RTCA: variants seen among roughly 807,000 people sequenced by gnomAD.
The protein encoded by RTCA is RNA 3'-terminal phosphate cyclase.
RTCA carries 37 observed loss-of-function variants against 46.1 expected under a neutral mutation model. The ratio of observed to expected loss-of-function variants is 0.80; its 90% CI spans 0.62 to 1.06. The LOEUF (loss-of-function observed/expected upper bound fraction) is 1.06. RTCA is among the 50% of genes least tolerant of loss of function. The pLI is 0.00. For missense variants in RTCA, 435 were observed against 455.5 expected, an observed-to-expected ratio of 0.95 and a Z score of 0.41; for synonymous variants, 164 against 158.3, an observed-to-expected ratio of 1.04 and a Z score of -0.27.
chr1:100,276,145 T>C (rs1349518718), intron 7 of RTCA, among the ~76,000 whole-genome samples: 1 of 152,112 alleles, frequency 6.6e-6, no homozygotes, highest in East Asian at 1.9e-4. Flanking sequence ...TCAGTTTATA[T>C]TTTTAAGGAC....
intron 2 of RTCA, 151 bp downstream of exon 2, chr1:100,266,775 G>T: frequency 1.6e-6 from 1 of 634,290 alleles, no homozygotes; most frequent in Non-Finnish European, 2.7e-6. Flanking sequence ...CTGCCTGGGC[G>T]GTGGCCTGGG....
chr1:100,266,236 T>G lies in RTCA; in HGVS notation c.-140T>G. On this transcript the variant is annotated 5_prime_UTR_variant, in exon 1 of 11. Coordinates refer to ENST00000370128, the MANE Select transcript of RTCA (RefSeq NM_003729.4). ...ACTCCAGTGTCCCGAGAGGCGCCGC[T>G]TCTTCCGCTTTCTCGTCAGGCTCCT... 3 of 1,018,470 alleles carry G rather than the reference T, an allele frequency of 2.9e-6. No individual in the cohort carries two copies. Among genetic ancestry groups the G allele is most frequent in the Non-Finnish European group, 4.3e-6 (3 of 701,170 alleles). The allele number at this position is 1,018,470 out of a possible 1,614,324, so 63.1% of individuals were successfully genotyped here. A position where few individuals can be genotyped will look rare whatever the true frequency, so the allele number is the denominator to read the frequency against.
At chr1:100,284,691 G>A (rs1254972942) in intron 8 of RTCA, among the ~76,000 whole-genome samples, 1 of 152,234 alleles carries the variant, frequency 6.6e-6, no homozygotes, top group Non-Finnish European at 1.5e-5. Context: ...ACCGCACTGA[G>A]CCAAATTCTT....
At chr1:100,268,371 T>A in intron 3 of RTCA, 76 bp downstream of exon 3, 2 of 1,199,900 alleles carry the variant, frequency 1.7e-6, no homozygotes, top group Non-Finnish European at 1.2e-6. Flanking sequence ...GCAAGTTGCT[T>A]AATGTCTATG....
chr1:100,266,335 G>C lies in RTCA; in HGVS notation c.-41G>C. 1 of 1,600,544 alleles carries C rather than the reference G, an allele frequency of 6.2e-7. No individual in the cohort carries two copies. Among genetic ancestry groups the C allele is most frequent in the Non-Finnish European group, 8.5e-7 (1 of 1,176,570 alleles). On this transcript the variant is annotated 5_prime_UTR_variant, in exon 1 of 11. Coordinates refer to ENST00000370128, the MANE Select transcript of RTCA (RefSeq NM_003729.4). The stretch of plus-strand genomic sequence containing the variant: ...CGTCTCTTCTTTCTCCCGCTCTGGC[G>C]GAGGCTTTGTCGCTGCGGGCTGGGC...
At chr1:100,274,000 G>T (rs1439314253) in intron 5 of RTCA, among the ~76,000 whole-genome samples, 1 of 152,044 alleles carries the variant, frequency 6.6e-6, no homozygotes, top group Non-Finnish European at 1.5e-5. Context: ...CAATATGTTT[G>T]CTTGTTATTC....
At position 100,268,172 on chromosome 1, in the gene RTCA, T is replaced by G; in HGVS notation, c.167T>G (p.Leu56Arg). 1 of 1,614,214 alleles carries G rather than the reference T, an allele frequency of 6.2e-7. No homozygotes were observed. Among genetic ancestry groups the G allele is most frequent in the South Asian group, 1.1e-5 (1 of 91,090 alleles). ...TGAAGGCCTCAACATTTATCTGGAC[T>G]GGAAATGATTCGAGATTTGTGTGAT... is the stretch of plus-strand genomic sequence containing the variant. ...PGLRPQHLSG[L>R]EMIRDLCDGQ... Residue 56 changes from leucine to arginine, a missense_variant, in exon 3 of 11, where the codon CTG becomes CGG. Leu to Arg is a moderately radical substitution (Grantham distance 102). Coordinates refer to ENST00000370128, the MANE Select transcript of RTCA (RefSeq NM_003729.4).
In RTCA at chr1:100,266,317, T is replaced by A. The variant is rs1665765810; in HGVS notation, c.-59T>A. 1 of 1,592,980 alleles carries A rather than the reference T, an allele frequency of 6.3e-7. No homozygotes were observed. Among genetic ancestry groups the A allele is most frequent in the Admixed American group, 1.9e-5 (1 of 52,842 alleles). On this transcript the variant is annotated 5_prime_UTR_variant, in exon 1 of 11. Coordinates refer to ENST00000370128, the MANE Select transcript of RTCA (RefSeq NM_003729.4). ...CTACTGGGCGGGAGCCAACGTCTCTTCTTTCTCCCGCTCTGGCGGAGGCTT... is the reference window on the plus strand; with the variant it reads ...CTACTGGGCGGGAGCCAACGTCTCTACTTTCTCCCGCTCTGGCGGAGGCTT...
Position 100,277,303 on chromosome 1 carries a change from G to T in RTCA, c.786G>T (p.Ser262=). The T allele has an allele frequency of 6.2e-7, 1 of 1,611,278 alleles. No individual in the cohort carries two copies. Among genetic ancestry groups the T allele is most frequent in the Admixed American group, 1.7e-5 (1 of 59,350 alleles). The change falls in exon 8 of 11, where the codon TCG becomes TCT. Residue 262 remains serine (S), a synonymous_variant. Coordinates refer to ENST00000370128, the MANE Select transcript of RTCA (RefSeq NM_003729.4). ...TSTGCLFAGS[S]LGKRGVNADK... is the part of the protein sequence containing the mutation. ...CTGGCTGTTTGTTTGCTGGATCATC[G>T]CTTGGTAAACGAGGTAAGATAAATG...
intron 9 of RTCA, among the ~76,000 whole-genome samples, chr1:100,285,754 G>A (rs1393515019): frequency 6.6e-6 from 1 of 152,030 alleles, no homozygotes; most frequent in Non-Finnish European, 1.5e-5. Context: ...TGAGTAGCTA[G>A]GCCTACAGGC....
intron 8 of RTCA, among the ~76,000 whole-genome samples, chr1:100,279,871 G>T (rs1176418348): frequency 2.0e-5 from 3 of 152,142 alleles, no homozygotes; most frequent in African/African-American, 7.2e-5. Context: ...CAGAAATATC[G>T]ACAGGCCAGA....
intron 3 of RTCA, 151 bp downstream of exon 3, chr1:100,268,446 G>C: frequency 1.6e-6 from 1 of 639,804 alleles, no homozygotes; most frequent in Non-Finnish European, 2.6e-6. Flanking sequence ...CCCAGGCGGG[G>C]GTGCAGTGGT....
At chr1:100,275,506 T>A in intron 6 of RTCA, 93 bp from the exon 7 acceptor site, 1 of 909,098 alleles carries the variant, frequency 1.1e-6, no homozygotes, top group Non-Finnish European at 1.6e-6. Flanking sequence ...ATGTAAAAGC[T>A]ACCAATTATT....
At position 100,268,246 on chromosome 1, in the gene RTCA, C is replaced by T. The variant is rs1320957434; in HGVS notation, c.241C>T (p.Pro81Ser). 1.2e-6 allele frequency: 2 copies of T among 1,613,912 alleles called. No individual in the cohort carries two copies. The highest frequency in any genetic ancestry group is 2.7e-5 in the African/African-American group (2 of 74,888). ...EIGSTEITFTPEKIKGGIHTA... is the reference protein window; with the variant it reads ...EIGSTEITFTSEKIKGGIHTA... ...TGGCTCAACAGAAATAACCTTTACA[C>T]CAGAGAAGATCAAAGGTGGAATCCA... is the stretch of plus-strand genomic sequence containing the variant. Residue 81 changes from proline (P) to serine (S), a missense_variant, in exon 3 of 11, where the codon CCA (proline) becomes TCA (serine). Coordinates refer to ENST00000370128, the MANE Select transcript of RTCA (RefSeq NM_003729.4).
Position 100,270,557 on chromosome 1 carries a change from G to T in RTCA, c.291G>T (p.Gly97=). 1 of 1,613,720 alleles carries T rather than the reference G, an allele frequency of 6.2e-7. No individual in the cohort carries two copies. The part of the protein sequence containing the change: ...GIHTADTKTA[G]SVCLLMQVSM... ...TAAGCCCCTTCTGCCTTCTCCTTAG[G>T]AGTGTGTGCCTCTTGATGCAGGTCT... Residue 97 remains glycine, a splice_region_variant and synonymous_variant, in exon 4 of 11, where the codon GGG becomes GGT. Transcript: ENST00000370128.
In RTCA at chr1:100,291,566, A is replaced by C. The variant is rs1446411487; in HGVS notation, c.*62A>C. 4.0e-6 allele frequency: 4 copies of C among 1,005,944 alleles called. No homozygotes were observed. The African/African-American group carries it at 6.5e-5, about 16-fold the overall frequency. The allele number at this position is 1,005,944 out of a possible 1,614,324, so 62.3% of individuals were successfully genotyped here. ...TGCACTATTTCATAAATACTATAAA[A>C]TAATGACTAGGAAGTAACTTATTAA... On this transcript the variant is annotated 3_prime_UTR_variant, in exon 11 of 11. Coordinates refer to ENST00000370128, the MANE Select transcript of RTCA (RefSeq NM_003729.4).
At chr1:100,275,110 G>A (rs1666302706) in intron 6 of RTCA, 145 bp downstream of exon 6, 2 of 829,678 alleles carry the variant, frequency 2.4e-6, no homozygotes, top group Admixed American at 5.9e-5. Flanking sequence ...GCTGCAGCTG[G>A]AGGCCATTAT....
chr1:100,284,479 C>T (rs1666916321), intron 8 of RTCA, among the ~76,000 whole-genome samples: 2 of 151,788 alleles, frequency 1.3e-5, no homozygotes, highest in South Asian at 4.1e-4. Context: ...CTGCAACCTC[C>T]ACCTCCCAGG....
At chr1:100,288,825 CTTTT>C (rs1163815109) in intron 10 of RTCA, among the ~76,000 whole-genome samples, 2 of 145,674 alleles carry the variant, frequency 1.4e-5, no homozygotes, top group African/African-American at 5.2e-5. Context: ...TTTTTCTTTT[CTTTT>C]TTTTTTTCTT....
Sources: gnomAD v4.1 joint callset for allele counts (sites outside exome capture counted in the v4.1 genomes callset) on GRCh38, gnomAD v4.1.1 for gene constraint, MANE v1.5 for transcripts, NCBI Gene and HGNC (gene_info 2026-07-23, HGNC 2026-07-21) for gene names.